Variants in MYO9A observed in about 807,000 individuals in gnomAD.
The protein encoded by MYO9A is myosin IXA, also known as unconventional myosin-IXa.
Under a neutral mutation model 293.3 loss-of-function variants are expected in MYO9A, and 103 were observed. The observed-to-expected ratio is 0.35, with a 90% CI of 0.30 to 0.41. The LOEUF (loss-of-function observed/expected upper bound fraction) is 0.41. MYO9A is among the 10% of genes least tolerant of loss of function. The pLI, the probability that MYO9A is intolerant of heterozygous loss-of-function variation, is 1.00. For missense variants in MYO9A, 2,685 were observed against 3,033.0 expected, an observed-to-expected ratio of 0.89 and a Z score of 2.69; for synonymous variants, 1,001 against 1,035.7, an observed-to-expected ratio of 0.97 and a Z score of 0.64.
intron 1 of MYO9A, among the ~76,000 whole-genome samples, chr15:72,092,597 T>C (rs533192933): frequency 6.6e-6 from 1 of 152,100 alleles, no homozygotes; most frequent in South Asian, 2.1e-4. Context: ...AAAAAATAAA[T>C]AAATAAATAA....
chr15:71,983,932 ATAC>A (rs2076344728), intron 11 of MYO9A, among the ~76,000 whole-genome samples: 1 of 152,212 alleles, frequency 6.6e-6, no homozygotes, highest in Non-Finnish European at 1.5e-5. Context: ...CCTAAACAAT[ATAC>A]CTTGGTTTTA....
At chr15:71,844,876 C>G (rs187554446) in intron 39 of MYO9A, among the ~76,000 whole-genome samples, 10 of 152,134 alleles carry the variant, frequency 6.6e-5, no homozygotes, top group African/African-American at 1.9e-4. Context: ...TACCCTCATG[C>G]AGAAAGTCAT....
intron 7 of MYO9A, among the ~76,000 whole-genome samples, chr15:72,008,513 T>A (rs2077084677): frequency 6.6e-6 from 1 of 151,516 alleles, no homozygotes; most frequent in Admixed American, 6.6e-5. Flanking sequence ...TGTATGTGTG[T>A]GTGTAAGTAT....
At chr15:71,891,690 C>T (rs987741655) in intron 26 of MYO9A, 1 of 152,136 alleles carries the variant, frequency 6.6e-6, no homozygotes, top group Non-Finnish European at 1.5e-5. Context: ...TACAGTTCGG[C>T]TCAGGTTAAT....
intron 19 of MYO9A, among the ~76,000 whole-genome samples, chr15:71,915,970 AG>A (rs1320736988): frequency 6.6e-6 from 1 of 152,266 alleles, no homozygotes; most frequent in Admixed American, 6.5e-5. Context: ...ATAAATACAC[AG>A]GAAAAAAACC....
intron 12 of MYO9A, 151 bp downstream of exon 12, chr15:71,978,020 G>T: frequency 1.2e-6 from 1 of 853,136 alleles, no homozygotes; most frequent in Non-Finnish European, 1.8e-6. Context: ...CTGGGTGACA[G>T]ATCAAGACTC....
intron 14 of MYO9A, 48 bp from the exon 15 acceptor site, chr15:71,951,944 A>G (rs775924357): frequency 6.5e-7 from 1 of 1,546,274 alleles, no homozygotes; most frequent in African/African-American, 1.4e-5. Flanking sequence ...GAAAAGAAAA[A>G]GACATTATAT....
intron 19 of MYO9A, among the ~76,000 whole-genome samples, chr15:71,910,121 T>C (rs1318787720): frequency 7.2e-6 from 1 of 139,232 alleles, no homozygotes; most frequent in Non-Finnish European, 1.6e-5. Context: ...TACGTGTATA[T>C]ATACACGTGT....
chr15:71,845,142 G>T (rs934869306), intron 39 of MYO9A, among the ~76,000 whole-genome samples: 1 of 152,198 alleles, frequency 6.6e-6, no homozygotes, highest in African/African-American at 2.4e-5. Context: ...TGAGGAGTTT[G>T]CTTTCCTGAT....
chr15:71,997,693 A>AAATAAAT (rs1381539827), intron 9 of MYO9A, among the ~76,000 whole-genome samples: 3 of 152,140 alleles, frequency 2.0e-5, no homozygotes, highest in African/African-American at 7.2e-5. Context: ...TTAAAAATGA[A>AAATAAAT]AATAAATACT....
intron 35 of MYO9A, among the ~76,000 whole-genome samples, chr15:71,853,187 C>G (rs1567198306): frequency 6.6e-6 from 1 of 152,220 alleles, no homozygotes; most frequent in African/African-American, 2.4e-5. Flanking sequence ...AATTTCTGTA[C>G]TTACCTGGTT....
intron 13 of MYO9A, among the ~76,000 whole-genome samples, chr15:71,963,441 G>A (rs557160225): frequency 2.6e-5 from 4 of 151,460 alleles, no homozygotes; most frequent in South Asian, 4.2e-4. Context: ...CCAGAGTTAC[G>A]ACTTTATTTT....
intron 13 of MYO9A, among the ~76,000 whole-genome samples, chr15:71,963,851 A>T (rs1287912663): frequency 1.3e-5 from 2 of 152,226 alleles, no homozygotes; most frequent in African/African-American, 4.8e-5. Context: ...TTTGAAAGAA[A>T]ATGTGTAAGA....
At chr15:72,053,138 G>A (rs2078617860) in intron 1 of MYO9A, among the ~76,000 whole-genome samples, 1 of 152,132 alleles carries the variant, frequency 6.6e-6, no homozygotes, top group Non-Finnish European at 1.5e-5. Flanking sequence ...GGTGGCTCAC[G>A]CCTATAATCC....
chr15:71,942,066 T>A (rs892717666), intron 15 of MYO9A, among the ~76,000 whole-genome samples: 6 of 152,052 alleles, frequency 3.9e-5, no homozygotes, highest in African/African-American at 9.7e-5. Flanking sequence ...CACAATTATA[T>A]ACATTATATA....
chr15:72,057,201 G>A (rs1156717314), intron 1 of MYO9A, among the ~76,000 whole-genome samples: 1 of 152,052 alleles, frequency 6.6e-6, no homozygotes, highest in Non-Finnish European at 1.5e-5. Flanking sequence ...CCCGGGAGGC[G>A]GAGGTTGCAG....
intron 1 of MYO9A, among the ~76,000 whole-genome samples, chr15:72,086,314 T>C (rs2079725603): frequency 6.6e-6 from 1 of 152,052 alleles, no homozygotes; most frequent in Admixed American, 6.6e-5. Context: ...GGCAAATCTG[T>C]GTGCACCCTC....
intron 7 of MYO9A, among the ~76,000 whole-genome samples, chr15:72,008,443 G>A (rs1325187263): frequency 7.1e-6 from 1 of 140,784 alleles, no homozygotes; most frequent in Non-Finnish European, 1.6e-5. Context: ...ATGGGTGTGT[G>A]TGTGTGTGTG....
At chr15:71,985,453 T>A (rs183861891) in intron 11 of MYO9A, among the ~76,000 whole-genome samples, 225 of 152,356 alleles carry the variant, frequency 1.5e-3, no homozygotes, top group African/African-American at 4.7e-3. Context: ...ACTGAGATGA[T>A]TTTAAACTGG....
Sources: allele counts gnomAD v4.1 joint callset (sites outside exome capture counted in the v4.1 genomes callset), GRCh38; gene constraint gnomAD v4.1.1; transcripts MANE v1.5; gene names NCBI Gene and HGNC (gene_info 2026-07-23, HGNC 2026-07-21).